The following PPP1R13B variants were observed in gnomAD, a reference collection of about 807,000 sequenced individuals.
PPP1R13B encodes the protein protein phosphatase 1 regulatory subunit 13B, also known as apoptosis-stimulating of p53 protein 1.
Under a neutral mutation model 119.8 loss-of-function variants are expected in PPP1R13B, and 44 were observed. The ratio of observed to expected loss-of-function variants is 0.37; its 90% CI spans 0.29 to 0.47. The LOEUF (loss-of-function observed/expected upper bound fraction) is 0.47, where lower values mean the gene tolerates loss of function less well. Among genes scored for constraint, PPP1R13B ranks in the 20% least tolerant of loss-of-function variants. The pLI is 0.99. For synonymous variants in PPP1R13B, 542 were observed against 561.5 expected, an observed-to-expected ratio of 0.97 and a Z score of 0.49; for missense variants, 1,227 against 1,413.5, an observed-to-expected ratio of 0.87 and a Z score of 2.12.
At chr14:103,795,304 C>T (rs963179325) in intron 2 of PPP1R13B, among the ~76,000 whole-genome samples, 3 of 152,082 alleles carry the variant, frequency 2.0e-5, no homozygotes, top group African/African-American at 7.2e-5. Context: ...CTTTGAGATT[C>T]ACGGAAGGGA....
intron 2 of PPP1R13B, among the ~76,000 whole-genome samples, chr14:103,785,403 A>T (rs1198693901): frequency 6.6e-6 from 1 of 151,996 alleles, no homozygotes; most frequent in Non-Finnish European, 1.5e-5. Context: ...TATTTAGTAG[A>T]GAGAGGGTTT....
intron 4 of PPP1R13B, among the ~76,000 whole-genome samples, chr14:103,761,282 A>T (rs1299322508): frequency 1.4e-5 from 1 of 69,522 alleles, no homozygotes; most frequent in East Asian, 4.4e-4. Context: ...TTTAAAAAAA[A>T]AAAAAAAAAA....
At chr14:103,799,618 T>TG (rs11455740) in intron 1 of PPP1R13B, among the ~76,000 whole-genome samples, 16 of 36,132 alleles carry the variant, frequency 4.4e-4, no homozygotes, top group African/African-American at 2.3e-3. Flanking sequence ...GGGTTTTTTG[T>TG]TTTTTTTTTT....
chr14:103,788,068 GCACAA>G (rs1431437505), intron 2 of PPP1R13B, among the ~76,000 whole-genome samples: 6 of 151,068 alleles, frequency 4.0e-5, no homozygotes, highest in South Asian at 2.1e-4. Context: ...AGCCATGACT[GCACAA>G]TGCACTCCAG....
intron 1 of PPP1R13B, among the ~76,000 whole-genome samples, chr14:103,821,077 C>G (rs976824766): frequency 6.6e-6 from 1 of 152,174 alleles, no homozygotes; most frequent in Non-Finnish European, 1.5e-5. Context: ...ATCCAACACT[C>G]TTTCCCCATT....
At chr14:103,780,010 G>A (rs112289072) in intron 3 of PPP1R13B, among the ~76,000 whole-genome samples, 12,270 of 151,902 alleles carry the variant, frequency 0.081, 679 homozygotes, top group Non-Finnish European at 0.12. Flanking sequence ...TTACCCAGGC[G>A]TGGTGGTGCA....
At chr14:103,741,465 C>T (rs953339485) in intron 11 of PPP1R13B, among the ~76,000 whole-genome samples, 7 of 152,214 alleles carry the variant, frequency 4.6e-5, no homozygotes, top group African/African-American at 1.7e-4. Context: ...GGACAGCTCC[C>T]GGCACAAGTT....
intron 1 of PPP1R13B, among the ~76,000 whole-genome samples, chr14:103,798,477 C>G (rs546746209): frequency 1.3e-4 from 20 of 151,880 alleles, no homozygotes; most frequent in Admixed American, 1.1e-3. Flanking sequence ...TCCAGAAAAA[C>G]AAGGTAGGGG....
At position 103,797,236 on chromosome 14, in the gene PPP1R13B, ATAC is replaced by A. The variant is rs1349179764; in HGVS notation, c.157+132_157+134del. The A allele has an allele frequency of 1.4e-5, 11 of 778,938 alleles. No individual in the cohort carries two copies. The African/African-American group carries it at 1.6e-4, about 11-fold the overall frequency. 48.3% of individuals were successfully genotyped at this position (778,938 alleles called of 1,614,324 possible). The stretch of plus-strand genomic sequence containing the variant: ...ACAAGCAATATTTTCCATTTGATAA[ATAC>A]TAAATTATATGTACTTAGTTACTTT... On this transcript the variant is annotated intron_variant, in intron 2 of 16. Coordinates refer to ENST00000202556, the MANE Select transcript of PPP1R13B (RefSeq NM_015316.3).
At chr14:103,803,368 G>A (rs2085944150) in intron 1 of PPP1R13B, among the ~76,000 whole-genome samples, 2 of 152,192 alleles carry the variant, frequency 1.3e-5, no homozygotes, top group Non-Finnish European at 2.9e-5. Flanking sequence ...TTGGGGCCGG[G>A]TGCGGTGGCT....
rs139940107 is a variant in PPP1R13B at position 103,807,938 on chromosome 14, T to C, written c.10-10420A>G. On this transcript the variant is annotated intron_variant, in intron 1 of 16. Coordinates refer to ENST00000202556, the MANE Select transcript of PPP1R13B (RefSeq NM_015316.3). ...TCCACATCAAAGAGAAGAAAAATATTCTTAAAAAAAGTTAGTGTAAGGCTG... is the reference window on the plus strand; with the variant it reads ...TCCACATCAAAGAGAAGAAAAATATCCTTAAAAAAAGTTAGTGTAAGGCTG... Among the ~76,000 whole-genome samples, 1,479 of 152,184 alleles carry C rather than the reference T, an allele frequency of 9.7e-3. 22 individuals are homozygous for C. Among genetic ancestry groups the C allele is most frequent in the African/African-American group, 0.034 (1,414 of 41,522 alleles).
chr14:103,785,632 CT>C (rs2085444942), intron 2 of PPP1R13B, among the ~76,000 whole-genome samples: 1 of 151,826 alleles, frequency 6.6e-6, no homozygotes, highest in Non-Finnish European at 1.5e-5. Context: ...CTGCCTCGGC[CT>C]CCTGAGTAGC....
rs143073404 is a variant in PPP1R13B at position 103,772,606 on chromosome 14, T to C, written c.354+6139A>G. Among the ~76,000 whole-genome samples the C allele has an allele frequency of 3.7e-3, 556 of 152,306 alleles. 5 individuals carry two copies. The highest frequency in any genetic ancestry group is 0.013 in the African/African-American group (539 of 41,576). ...ACTAATGATGGTGAACACCTTTCCA[T>C]GTGCTTACTTGACATTCATATATTT... On this transcript the variant is annotated intron_variant, in intron 4 of 16. Transcript: ENST00000202556.
chr14:103,770,088 C>T (rs549697472), intron 4 of PPP1R13B, among the ~76,000 whole-genome samples: 1 of 151,336 alleles, frequency 6.6e-6, no homozygotes, highest in Non-Finnish European at 1.5e-5. Context: ...GAAATGAGGT[C>T]TACTCTGTTG....
At chr14:103,780,922 T>C (rs2085322507) in intron 3 of PPP1R13B, among the ~76,000 whole-genome samples, 4 of 152,128 alleles carry the variant, frequency 2.6e-5, no homozygotes, top group Admixed American at 2.6e-4. Flanking sequence ...AGCTACTCTC[T>C]ATGCCACCCT....
intron 1 of PPP1R13B, among the ~76,000 whole-genome samples, chr14:103,817,673 A>G (rs1002737634): frequency 2.6e-4 from 40 of 152,160 alleles, no homozygotes; most frequent in African/African-American, 9.4e-4. Context: ...AATAATAAAA[A>G]TAGCTAATTA....
intron 1 of PPP1R13B, among the ~76,000 whole-genome samples, chr14:103,802,418 T>C (rs2085921822): frequency 6.6e-6 from 1 of 152,202 alleles, no homozygotes; most frequent in Non-Finnish European, 1.5e-5. Flanking sequence ...CCTTCCCTTA[T>C]ATGCTATTCC....
chr14:103,795,185 G>A (rs1053243396), intron 2 of PPP1R13B, among the ~76,000 whole-genome samples: 5 of 152,090 alleles, frequency 3.3e-5, no homozygotes, highest in Admixed American at 6.6e-5. Context: ...TGATCCACCC[G>A]CCTTGGCCTC....
rs753972222 is a variant in PPP1R13B, at chr14:103,778,797, C to T, written c.302G>A (p.Arg101Gln). The change falls in exon 4 of 17, where the codon CGA (arginine) becomes CAA (glutamine). Residue 101 changes from arginine (R) to glutamine (Q), a missense_variant. Coordinates refer to ENST00000202556, the MANE Select transcript of PPP1R13B (RefSeq NM_015316.3). ...TACATTTATTACATTTCTCTGAGTT[C>T]GTTGCTCTTGGGTCTGACGGCCACC... is the stretch of plus-strand genomic sequence containing the variant. ...EQGGRQTQEQ[R>Q]TQRNVINVPG... 4.3e-6 allele frequency: 7 copies of T among 1,613,996 alleles called. No homozygotes were observed. In the South Asian group the frequency reaches 4.4e-5, roughly 10 times the overall value.
Sources: allele counts gnomAD v4.1 joint callset (sites outside exome capture counted in the v4.1 genomes callset), GRCh38; gene constraint gnomAD v4.1.1; transcripts MANE v1.5; gene names NCBI Gene and HGNC (gene_info 2026-07-23, HGNC 2026-07-21).